The following AGBL4 variants were observed in gnomAD, a reference collection of about 807,000 sequenced individuals.
The protein encoded by AGBL4 is AGBL carboxypeptidase 4.
AGBL4 carries 58 observed loss-of-function variants against 66.4 expected under a neutral mutation model. That is an observed-to-expected ratio of 0.87 (90% CI 0.71 to 1.09). The LOEUF is 1.09. Among genes scored for constraint, AGBL4 ranks in the 50% least tolerant of loss-of-function variants. The pLI, the probability that AGBL4 is intolerant of heterozygous loss-of-function variation, is 0.00. For synonymous variants in AGBL4, 234 were observed against 222.9 expected, an observed-to-expected ratio of 1.05 and a Z score of -0.44; for missense variants, 579 against 631.0, an observed-to-expected ratio of 0.92 and a Z score of 0.88.
At chr1:49,466,587 A>C (rs1172416302) in intron 3 of AGBL4, among the ~76,000 whole-genome samples, 1 of 151,806 alleles carries the variant, frequency 6.6e-6, no homozygotes, top group South Asian at 2.1e-4. Context: ...TTTTATCTGC[A>C]TGAGATATAG....
intron 6 of AGBL4, among the ~76,000 whole-genome samples, chr1:48,811,577 G>A (rs943473500): frequency 1.4e-4 from 22 of 152,248 alleles, no homozygotes; most frequent in African/African-American, 5.3e-4. Flanking sequence ...GGTACATCCT[G>A]CTCTTGAAAA....
At chr1:49,586,213 A>C (rs1571110903) in intron 3 of AGBL4, among the ~76,000 whole-genome samples, 2 of 152,122 alleles carry the variant, frequency 1.3e-5, no homozygotes, top group African/African-American at 4.8e-5. Flanking sequence ...TGGAAAAAAA[A>C]CACCGAGTTC....
intron 3 of AGBL4, among the ~76,000 whole-genome samples, chr1:49,643,889 T>C (rs1245430982): frequency 6.6e-6 from 1 of 151,534 alleles, no homozygotes; most frequent in African/African-American, 2.4e-5. Context: ...AACAAAACAA[T>C]GAAGAGCACT....
intron 2 of AGBL4, among the ~76,000 whole-genome samples, chr1:49,794,052 A>T (rs1037996503): frequency 6.6e-6 from 1 of 151,982 alleles, no homozygotes; most frequent in Non-Finnish European, 1.5e-5. Context: ...GAACATTTTC[A>T]GGAAAGTAGT....
chr1:49,472,741 T>C lies in AGBL4; in HGVS notation c.282+224572A>G, dbSNP rs112382591. ...TGGGTATATTGTGTGATGCTGAGTA[T>C]TGGGTTTCTAACAATTCTGTCACCC... is the stretch of plus-strand genomic sequence containing the variant. On this transcript the variant is annotated intron_variant, in intron 3 of 13. Coordinates refer to ENST00000371839, the MANE Select transcript of AGBL4 (RefSeq NM_032785.4). Among the ~76,000 whole-genome samples, 292 of 152,140 alleles carry C rather than the reference T, an allele frequency of 1.9e-3. 3 individuals are homozygous for C. The highest frequency in any genetic ancestry group is 6.7e-3 in the African/African-American group (278 of 41,566).
intron 3 of AGBL4, among the ~76,000 whole-genome samples, chr1:49,348,157 G>A (rs780646547): frequency 2.0e-5 from 3 of 152,094 alleles, no homozygotes; most frequent in Non-Finnish European, 4.4e-5. Context: ...GTTGGCTCAC[G>A]CCTGTAATCC....
intron 4 of AGBL4, among the ~76,000 whole-genome samples, chr1:49,087,986 C>T (rs895796512): frequency 9.9e-5 from 15 of 152,114 alleles, no homozygotes; most frequent in African/African-American, 3.6e-4. Flanking sequence ...TCCAGCCAAA[C>T]TCAGCTTCAT....
At chr1:48,620,084 A>G (rs1256872187) in intron 9 of AGBL4, among the ~76,000 whole-genome samples, 1 of 152,202 alleles carries the variant, frequency 6.6e-6, no homozygotes, top group Non-Finnish European at 1.5e-5. Context: ...TCCACTCGGA[A>G]TGAATTGAAA....
At chr1:49,568,688 G>A (rs1383869775) in intron 3 of AGBL4, among the ~76,000 whole-genome samples, 1 of 151,860 alleles carries the variant, frequency 6.6e-6, no homozygotes, top group Non-Finnish European at 1.5e-5. Context: ...CCAAAAAAGA[G>A]TCCAATAGCC....
At chr1:49,203,678 C>T (rs948844202) in intron 4 of AGBL4, among the ~76,000 whole-genome samples, 8 of 152,164 alleles carry the variant, frequency 5.3e-5, no homozygotes, top group Admixed American at 3.9e-4. Context: ...GTGGCCCATG[C>T]CTGTAATCCC....
chr1:49,948,259 TATAA>T lies in AGBL4; in HGVS notation c.34+75500_34+75503del, dbSNP rs1365359974. ...ATATATAAATAAATACATATAAATA[TATAA>T]ATAAATACATATAAATATATATAAA... On this transcript the variant is annotated intron_variant, in intron 1 of 13. Coordinates refer to ENST00000371839, the MANE Select transcript of AGBL4 (RefSeq NM_032785.4). 1.0e-3 allele frequency among the ~76,000 whole-genome samples: 107 copies of T among 106,174 alleles called. 1 individual carries two copies. Among genetic ancestry groups the T allele is most frequent in the Admixed American group, 2.4e-3 (18 of 7,386 alleles). The allele number at this position is 106,174 out of a possible 152,430, so 69.7% of individuals were successfully genotyped here. A position where few individuals can be genotyped will look rare whatever the true frequency, so the allele number is the denominator to read the frequency against.
intron 1 of AGBL4, among the ~76,000 whole-genome samples, chr1:49,975,063 C>G (rs1399240462): frequency 1.3e-5 from 2 of 152,110 alleles, no homozygotes; most frequent in East Asian, 3.8e-4. Flanking sequence ...AAACTATTCT[C>G]TTTTAATGAA....
chr1:49,420,638 T>C (rs1645524659), intron 3 of AGBL4, among the ~76,000 whole-genome samples: 1 of 151,506 alleles, frequency 6.6e-6, no homozygotes, highest in African/African-American at 2.4e-5. Flanking sequence ...GAAGTAGAGC[T>C]TGCCGTGAGC....
intron 3 of AGBL4, among the ~76,000 whole-genome samples, chr1:49,510,289 A>G (rs1355897990): frequency 1.3e-5 from 2 of 151,880 alleles, no homozygotes; most frequent in Admixed American, 6.6e-5. Context: ...CTGGTGTGAG[A>G]TGGTACCTCA....
rs567464097 is a variant in AGBL4 at position 49,153,072 on chromosome 1, T to A, written c.377+92698A>T. 2.8e-4 allele frequency among the ~76,000 whole-genome samples: 42 copies of A among 152,100 alleles called. No homozygotes were observed. In the South Asian group the frequency reaches 5.6e-3, roughly 20 times the overall value. On this transcript the variant is annotated intron_variant, in intron 4 of 13. Coordinates refer to ENST00000371839, the MANE Select transcript of AGBL4 (RefSeq NM_032785.4). ...AGACTTGGATGAGACAATAGAGTCA[T>A]AGGAGATTAAGGGACGTTTGGGGCT...
chr1:49,063,809 C>T (rs36125045), intron 4 of AGBL4, among the ~76,000 whole-genome samples: 1 of 152,166 alleles, frequency 6.6e-6, no homozygotes, highest in Non-Finnish European at 1.5e-5. Context: ...AAGACTGTTG[C>T]ATGCGGAGGG....
intron 3 of AGBL4, among the ~76,000 whole-genome samples, chr1:49,677,730 T>C (rs1429765724): frequency 1.3e-5 from 2 of 151,890 alleles, no homozygotes; most frequent in East Asian, 3.9e-4. Context: ...AGATGGGGAG[T>C]TAGGGAGGTG....
At chr1:49,760,725 T>C (rs771512804) in intron 2 of AGBL4, among the ~76,000 whole-genome samples, 2 of 152,210 alleles carry the variant, frequency 1.3e-5, no homozygotes, top group Non-Finnish European at 2.9e-5. Flanking sequence ...TACACAAGTA[T>C]GTTTATTGCA....
At chr1:48,999,871 T>C (rs1661279216) in intron 5 of AGBL4, among the ~76,000 whole-genome samples, 1 of 152,144 alleles carries the variant, frequency 6.6e-6, no homozygotes, top group Admixed American at 6.5e-5. Context: ...AATGCCACCT[T>C]CCAGCATCAA....
Sources: allele counts gnomAD v4.1 joint callset (sites outside exome capture counted in the v4.1 genomes callset), GRCh38; gene constraint gnomAD v4.1.1; transcripts MANE v1.5; gene names NCBI Gene and HGNC (gene_info 2026-07-23, HGNC 2026-07-21).